Variants in TLK1 observed in about 807,000 individuals in gnomAD.
The protein encoded by TLK1 is tousled like kinase 1, also known as serine/threonine-protein kinase tousled-like 1.
Under a neutral mutation model 105.3 loss-of-function variants are expected in TLK1, and 24 were observed. That is an observed-to-expected ratio of 0.23 (90% CI 0.17 to 0.32). The LOEUF (loss-of-function observed/expected upper bound fraction) is 0.32. TLK1 is among the 10% of genes least tolerant of loss of function. The probability of loss-of-function intolerance (pLI) is 1.00; values close to 1 mark genes in which losing one functional copy is unlikely to be tolerated. For missense variants in TLK1, 558 were observed against 910.5 expected, an observed-to-expected ratio of 0.61 and a Z score of 4.98; for synonymous variants, 321 against 310.4, an observed-to-expected ratio of 1.03 and a Z score of -0.36.
At chr2:171,121,826 A>C (rs1690667596) in intron 1 of TLK1, among the ~76,000 whole-genome samples, 1 of 152,238 alleles carries the variant, frequency 6.6e-6, no homozygotes, top group South Asian at 2.1e-4. Context: ...AGCTTCCTCT[A>C]GGACCTCAAC....
intron 12 of TLK1, among the ~76,000 whole-genome samples, chr2:171,015,372 AAGC>A (rs1685123998): frequency 1.3e-5 from 2 of 151,910 alleles, no homozygotes; most frequent in South Asian, 2.1e-4. Context: ...AGAAAGAAAA[AAGC>A]AGAATGATTC....
intron 12 of TLK1, 122 bp from the exon 13 acceptor site, chr2:171,015,070 G>A (rs904524127): frequency 7.0e-6 from 5 of 716,710 alleles, no homozygotes; most frequent in Admixed American, 2.6e-5. Flanking sequence ...AAGTACCACC[G>A]AGTTAAAAGA....
intron 1 of TLK1, among the ~76,000 whole-genome samples, chr2:171,127,666 T>A (rs556414976): frequency 1.3e-5 from 2 of 152,312 alleles, no homozygotes; most frequent in Admixed American, 1.3e-4. Flanking sequence ...TTAATCCATT[T>A]AGAATTATAT....
intron 3 of TLK1, among the ~76,000 whole-genome samples, chr2:171,072,584 C>A (rs551240429): frequency 6.6e-6 from 1 of 152,240 alleles, no homozygotes; most frequent in South Asian, 2.1e-4. Context: ...ATGGTGAAAC[C>A]CCATTTCTAC....
upstream of TLK1, among the ~76,000 whole-genome samples, chr2:171,164,167 C>A (rs1558977709): frequency 6.6e-6 from 1 of 152,012 alleles, no homozygotes; most frequent in Non-Finnish European, 1.5e-5. Flanking sequence ...ATGTTTGATT[C>A]CTGTCTTCAT....
chr2:171,024,383 C>T (rs1244181691), intron 12 of TLK1, among the ~76,000 whole-genome samples: 1 of 151,776 alleles, frequency 6.6e-6, no homozygotes, highest in Non-Finnish European at 1.5e-5. Context: ...TAACATAATG[C>T]CCAAGGAAGA....
At position 171,157,088 on chromosome 2, in the gene TLK1, G is replaced by C. The variant is rs140066266; in HGVS notation, c.139+3202C>G. On this transcript the variant is annotated intron_variant, in intron 1 of 20. Coordinates refer to ENST00000431350, the MANE Select transcript of TLK1 (RefSeq NM_012290.5). ...CCCAAAGTGCTGGGATTACAGGCTT[G>C]AGCCACCACTCCTGGCCCATACAAT... 3.3e-5 allele frequency among the ~76,000 whole-genome samples: 5 copies of C among 152,298 alleles called. No homozygotes were observed. In the East Asian group the frequency reaches 9.6e-4, roughly 29 times the overall value.
At chr2:171,087,218 C>A (rs1277325981) in intron 2 of TLK1, among the ~76,000 whole-genome samples, 1 of 152,142 alleles carries the variant, frequency 6.6e-6, no homozygotes, top group Non-Finnish European at 1.5e-5. Context: ...TGAAGTAACA[C>A]AGATTTGGAA....
intron 1 of TLK1, among the ~76,000 whole-genome samples, chr2:171,154,238 C>A (rs1032589532): frequency 6.6e-6 from 1 of 152,112 alleles, no homozygotes; most frequent in Non-Finnish European, 1.5e-5. Flanking sequence ...GGTTATACTG[C>A]CTCTTCAAGA....
chr2:171,012,376 T>C (rs1684958937), intron 13 of TLK1, among the ~76,000 whole-genome samples: 1 of 152,188 alleles, frequency 6.6e-6, no homozygotes, highest in Admixed American at 6.5e-5. Flanking sequence ...GTAACTTGCT[T>C]AACAGCTAAT....
At chr2:171,095,508 CTAAGA>C (rs1689416656) in intron 2 of TLK1, among the ~76,000 whole-genome samples, 1 of 152,026 alleles carries the variant, frequency 6.6e-6, no homozygotes, top group Non-Finnish European at 1.5e-5. Flanking sequence ...AATCAGATAA[CTAAGA>C]TGATATGGAC....
intron 3 of TLK1, among the ~76,000 whole-genome samples, chr2:171,062,759 CTAAA>C (rs1687815060): frequency 6.6e-6 from 1 of 152,168 alleles, no homozygotes; most frequent in Non-Finnish European, 1.5e-5. Flanking sequence ...CAAGAACTAA[CTAAA>C]TGAATCTACT....
chr2:171,175,884 A>G (rs1692812185), intron 1 of TLK1, among the ~76,000 whole-genome samples: 1 of 152,034 alleles, frequency 6.6e-6, no homozygotes, highest in South Asian at 2.1e-4. Flanking sequence ...CCCCTTTTGT[A>G]TCAGAATCTT....
intron 18 of TLK1, among the ~76,000 whole-genome samples, chr2:171,005,128 G>A (rs936921372): frequency 3.3e-5 from 5 of 152,298 alleles, no homozygotes; most frequent in Non-Finnish European, 5.9e-5. Flanking sequence ...GAAGTTGAAC[G>A]CAGTTATCTT....
At chr2:171,103,811 C>A (rs1381256069) in intron 2 of TLK1, among the ~76,000 whole-genome samples, 1 of 152,036 alleles carries the variant, frequency 6.6e-6, no homozygotes, top group Admixed American at 6.6e-5. Flanking sequence ...ACATTCTATT[C>A]CAGTAATTTA....
At chr2:171,088,023 A>G (rs1689059223) in intron 2 of TLK1, among the ~76,000 whole-genome samples, 1 of 152,188 alleles carries the variant, frequency 6.6e-6, no homozygotes, top group African/African-American at 2.4e-5. Context: ...ACTTAACTAG[A>G]TCATCCTACT....
chr2:171,050,402 T>C (rs906435564), intron 8 of TLK1, among the ~76,000 whole-genome samples: 4 of 152,094 alleles, frequency 2.6e-5, no homozygotes, highest in East Asian at 1.9e-4. Flanking sequence ...TCCATATCCA[T>C]ACATTCAAAT....
intron 11 of TLK1, among the ~76,000 whole-genome samples, chr2:171,030,736 T>C (rs1215495766): frequency 6.6e-6 from 1 of 152,178 alleles, no homozygotes; most frequent in African/African-American, 2.4e-5. Flanking sequence ...TTTTAAAAGA[T>C]ATTTAAATTT....
chr2:171,115,426 G>A (rs1368612407), intron 2 of TLK1, among the ~76,000 whole-genome samples: 1 of 152,008 alleles, frequency 6.6e-6, no homozygotes, highest in Non-Finnish European at 1.5e-5. Flanking sequence ...GCCCACCTCG[G>A]CCTCCCAAAG....
Sources: allele counts gnomAD v4.1 joint callset (sites outside exome capture counted in the v4.1 genomes callset), GRCh38; gene constraint gnomAD v4.1.1; transcripts MANE v1.5; gene names NCBI Gene and HGNC (gene_info 2026-07-23, HGNC 2026-07-21).